Variants in SBF1 observed in about 807,000 individuals in gnomAD.
SBF1 encodes the protein myotubularin-related protein 5.
In SBF1, 65 loss-of-function variants were observed where a neutral mutation model predicts 215.8. The observed-to-expected ratio is 0.30, with a 90% CI of 0.25 to 0.37. SBF1 has a LOEUF of 0.37. SBF1 is among the 10% of genes least tolerant of loss of function. The probability of loss-of-function intolerance (pLI) is 1.00; values close to 1 mark genes in which losing one functional copy is unlikely to be tolerated. For missense variants in SBF1, 2,634 were observed against 2,667.8 expected (o/e 0.99, Z 0.28); for synonymous variants, 1,410 against 1,122.8 (o/e 1.26, Z -5.11).
Position 50,448,539 on chromosome 22 carries a change from T to A in SBF1, c.5151+4A>T. 6.2e-7 allele frequency: 1 copy of A among 1,611,990 alleles called. No homozygotes were observed. The highest frequency in any genetic ancestry group is 8.5e-7 in the Non-Finnish European group (1 of 1,179,398). ...CGTGGACGCTCACACTGGCCCTCACTCACACGGCCGTCTGGCCGGCCCTCG... is the reference window on the plus strand; with the variant it reads ...CGTGGACGCTCACACTGGCCCTCACACACACGGCCGTCTGGCCGGCCCTCG... On this transcript the variant is annotated splice_donor_region_variant and intron_variant, in intron 37 of 40. Transcript: ENST00000380817.
chr22:50,474,757 G>GGCCCTCA, intron 1 of SBF1, 29 bp downstream of exon 1: 1 of 1,455,512 alleles, frequency 6.9e-7, no homozygotes, highest in Non-Finnish European at 9.0e-7. Flanking sequence ...CTCGGCCCCC[G>GGCCCTCA]GCCCTCAGCG....
intron 1 of SBF1, among the ~76,000 whole-genome samples, chr22:50,470,752 C>T (rs5771045): frequency 0.66 from 100,592 of 152,130 alleles, 33,485 homozygotes; most frequent in East Asian, 0.83. Context: ...CACAACCATC[C>T]TCCCCACACC....
chr22:50,455,334 CCTT>C lies in SBF1; in HGVS notation c.4441_4443del (p.Lys1481del). 1.2e-6 allele frequency: 2 copies of C among 1,613,604 alleles called. No homozygotes were observed. The highest frequency in any genetic ancestry group is 1.7e-6 in the Non-Finnish European group (2 of 1,179,970). On this transcript the variant is annotated inframe_deletion, in exon 33 of 41. Coordinates refer to ENST00000380817, the MANE Select transcript of SBF1 (RefSeq NM_002972.4). ...AAGCGATGGCCGAAGGACAGCCACT[CCTT>C]CTCCACCAGCAGGCGAAAGCCCTCC...
chr22:50,474,460 T>C (rs2068102951), intron 1 of SBF1, among the ~76,000 whole-genome samples: 1 of 152,086 alleles, frequency 6.6e-6, no homozygotes, highest in South Asian at 2.1e-4. Flanking sequence ...GGGCCCAGCC[T>C]TCTCTCCCTG....
chr22:50,464,542 G>A lies in SBF1; in HGVS notation c.1628C>T (p.Pro543Leu), dbSNP rs769125636. The change falls in exon 14 of 41, where the codon CCC becomes CTC. Residue 543 changes from proline to leucine, a missense_variant. Coordinates refer to ENST00000380817, the MANE Select transcript of SBF1 (RefSeq NM_002972.4). ...AERRTTVPSG[P>L]PMTAILERCS... ...CCTCCCTCATTACGCACTCATGGGG[G>A]GCCCTGAGGGCACGGTGGTCCTCCT... 19 of 1,609,600 alleles carry A rather than the reference G, an allele frequency of 1.2e-5. No individual in the cohort carries two copies. In the East Asian group the frequency reaches 2.9e-4, roughly 25 times the overall value.
chr22:50,449,867 CAAG>C (rs1026954995), intron 36 of SBF1, among the ~76,000 whole-genome samples: 3 of 152,092 alleles, frequency 2.0e-5, no homozygotes, highest in African/African-American at 7.2e-5. Flanking sequence ...TGAAACTGGA[CAAG>C]AAGGGGAAGC....
intron 5 of SBF1, chr22:50,467,078 C>CA (rs2067797485): frequency 1.7e-6 from 1 of 586,738 alleles, no homozygotes; most frequent in South Asian, 2.0e-5. Flanking sequence ...AGCAGACAAA[C>CA]AAGCTGACAT....
rs199672732 is a variant in SBF1 at position 50,462,607 on chromosome 22, G to A, written c.2079C>T (p.His693=). The A allele has an allele frequency of 2.5e-3, 3,983 of 1,612,560 alleles. 8 individuals carry two copies. Among genetic ancestry groups the A allele is most frequent in the Non-Finnish European group, 3.2e-3 (3,743 of 1,179,712 alleles). The change falls in exon 18 of 41, where the codon CAC becomes CAT. Residue 693 remains histidine, a synonymous_variant. Coordinates refer to ENST00000380817, the MANE Select transcript of SBF1 (RefSeq NM_002972.4). The stretch of plus-strand genomic sequence containing the variant: ...TGGGCTCCAGGTAGAGGGCCCGGAT[G>A]TGAGTCTGCACATCCCCATAGAACA... ...EAMFYGDVQT[H]IRALYLEPTE...
chr22:50,465,332 G>A lies in SBF1; in HGVS notation c.1090-4C>T, dbSNP rs753682809. 2.1e-5 allele frequency: 33 copies of A among 1,575,836 alleles called. No individual in the cohort carries two copies. The highest frequency in any genetic ancestry group is 1.7e-4 in the Middle Eastern group (1 of 6,038). ...AGACCGCGCGCAGCTCCTTGTCCTG[G>A]GAGAAGAGCTGAGTGCAGGTGAGAG... On this transcript the variant is annotated splice_polypyrimidine_tract_variant and splice_region_variant and intron_variant, in intron 10 of 40. Coordinates refer to ENST00000380817, the MANE Select transcript of SBF1 (RefSeq NM_002972.4).
intron 1 of SBF1, among the ~76,000 whole-genome samples, chr22:50,469,809 G>A (rs1194185084): frequency 1.3e-5 from 2 of 151,780 alleles, no homozygotes; most frequent in South Asian, 2.1e-4. Context: ...GGGAACAGAT[G>A]AGCAACTCTG....
rs973880049 is a variant in SBF1, at chr22:50,446,644, C to T, written c.*498G>A. ...GATCCGCCCCCAGAGCAAAGTCACT[C>T]CCAGGGACATGCAGGCCGAGCTGGG... On this transcript the variant is annotated 3_prime_UTR_variant, in exon 41 of 41. Coordinates refer to ENST00000380817, the MANE Select transcript of SBF1 (RefSeq NM_002972.4). 7.2e-5 allele frequency: 26 copies of T among 363,404 alleles called. No homozygotes were observed. The highest frequency in any genetic ancestry group is 6.7e-4 in the Middle Eastern group (1 of 1,490). 22.5% of individuals were successfully genotyped at this position (363,404 alleles called of 1,614,324 possible). A position where few individuals can be genotyped will look rare whatever the true frequency, so the allele number is the denominator to read the frequency against.
At position 50,462,573 on chromosome 22, in the gene SBF1, G is replaced by C; in HGVS notation, c.2113C>G (p.Leu705Val). The change falls in exon 18 of 41, where the codon CTG (leucine) becomes GTG (valine). Residue 705 changes from leucine (L) to valine (V), a missense_variant. Transcript: ENST00000380817. ...TCCCTGCGCACCTGGGCGGGGGCCA[G>C]GTCCTCCGTGGGCTCCAGGTAGAGG... ...RALYLEPTED[L>V]APAQEVGEAP... 1 of 1,611,832 alleles carries C rather than the reference G, an allele frequency of 6.2e-7. No individual in the cohort carries two copies. Among genetic ancestry groups the C allele is most frequent in the Non-Finnish European group, 8.5e-7 (1 of 1,179,536 alleles).
chr22:50,462,390 CAGAGTTGGCCA>C lies in SBF1; in HGVS notation c.2200_2210del (p.Trp734GlufsTer3), dbSNP rs770405245. The C allele has an allele frequency of 6.2e-7, 1 of 1,614,102 alleles. No homozygotes were observed. The highest frequency in any genetic ancestry group is 8.5e-7 in the Non-Finnish European group (1 of 1,180,018). ...CCAGCTCCTGCTGCTTCTCACGACT[CAGAGTTGGCCA>C]CAAGCGCCGCTGCTCAGAAGCCACG... is the stretch of plus-strand genomic sequence containing the variant. On this transcript the variant is annotated frameshift_variant, in exon 19 of 41. Transcript: ENST00000380817. LOFTEE classifies it high-confidence loss of function.
rs772348264 is a variant in SBF1, at chr22:50,460,414, G to A, written c.3147-6C>T. On this transcript the variant is annotated splice_polypyrimidine_tract_variant and splice_region_variant and intron_variant, in intron 24 of 40. Coordinates refer to ENST00000380817, the MANE Select transcript of SBF1 (RefSeq NM_002972.4). ...CCAGGTTCCGGGACAGGGTTCTGAGGCCCACGAGAGTCAGCAAAGGTGAGA... is the reference window on the plus strand; with the variant it reads ...CCAGGTTCCGGGACAGGGTTCTGAGACCCACGAGAGTCAGCAAAGGTGAGA... 2 of 1,607,788 alleles carry A rather than the reference G, an allele frequency of 1.2e-6. No individual in the cohort carries two copies. The highest frequency in any genetic ancestry group is 1.7e-5 in the Admixed American group (1 of 59,634).
intron 31 of SBF1, 121 bp from the exon 32 acceptor site, chr22:50,455,703 C>G: frequency 1.3e-6 from 1 of 797,186 alleles, no homozygotes; most frequent in Non-Finnish European, 2.1e-6. Context: ...CACAGCCCCC[C>G]AAGCCCTGTA....
chr22:50,460,636 C>T lies in SBF1; in HGVS notation c.3044G>A (p.Arg1015Gln), dbSNP rs372268920. Reference sequence around the variant, plus strand: ...GGTGGCCCTGATGTCCGGCGGGTACCGCAGCTTATGCAGCTGCTTACGGAA... The same window carrying T: ...GGTGGCCCTGATGTCCGGCGGGTACTGCAGCTTATGCAGCTGCTTACGGAA... ...ELFRKQLHKLRYPPDIRATFA... is the reference protein window; with the variant it reads ...ELFRKQLHKLQYPPDIRATFA... Residue 1015 changes from arginine to glutamine, a missense_variant, in exon 24 of 41, where the codon CGG (arginine) becomes CAG (glutamine). Coordinates refer to ENST00000380817, the MANE Select transcript of SBF1 (RefSeq NM_002972.4). 1.8e-4 allele frequency: 285 copies of T among 1,613,946 alleles called. No homozygotes were observed. Among genetic ancestry groups the T allele is most frequent in the South Asian group, 3.0e-4 (27 of 91,092 alleles).
Position 50,464,358 on chromosome 22 carries a change from A to T in SBF1, c.1720T>A (p.Phe574Ile). Residue 574 changes from phenylalanine to isoleucine, a missense_variant, in exon 15 of 41, where the codon TTT becomes ATT. Physicochemically the swap from Phe to Ile is conservative, Grantham distance 21. Transcript: ENST00000380817. ...EVVRNCISYVFEGKMLEAKKL... is the reference protein window; with the variant it reads ...EVVRNCISYVIEGKMLEAKKL... The stretch of plus-strand genomic sequence containing the variant: ...TTGGCCTCAAGCATTTTCCCCTCAA[A>T]CACGTAGGAGATGCAGTTGCGCACA... 1 of 1,613,938 alleles carries T rather than the reference A, an allele frequency of 6.2e-7. No homozygotes were observed. The highest frequency in any genetic ancestry group is 1.1e-5 in the South Asian group (1 of 91,070).
At chr22:50,455,806 T>C in intron 31 of SBF1, 1 of 583,402 alleles carries the variant, frequency 1.7e-6, no homozygotes. Flanking sequence ...TTCCAAGCCC[T>C]CTAGGACTGA....
intron 16 of SBF1, 57 bp downstream of exon 16, chr22:50,463,226 C>A: frequency 6.3e-7 from 1 of 1,599,964 alleles, no homozygotes; most frequent in South Asian, 1.1e-5. Flanking sequence ...AGGGTCTGCC[C>A]GCCTGTTCCC....
Sources: gnomAD v4.1 joint callset for allele counts (sites outside exome capture counted in the v4.1 genomes callset) on GRCh38, gnomAD v4.1.1 for gene constraint, MANE v1.5 for transcripts, NCBI Gene and HGNC (gene_info 2026-07-23, HGNC 2026-07-21) for gene names.